Variants in WASF3 observed in about 807,000 individuals in gnomAD.
The protein encoded by WASF3 is WASP family member 3, also known as actin-binding protein WASF3.
Under a neutral mutation model 46.6 loss-of-function variants are expected in WASF3, and 11 were observed. The observed-to-expected ratio is 0.24, with a 90% CI of 0.15 to 0.39. The LOEUF (loss-of-function observed/expected upper bound fraction) is 0.39, where lower values mean the gene tolerates loss of function less well. Among genes scored for constraint, WASF3 ranks in the 10% least tolerant of loss-of-function variants. The probability of loss-of-function intolerance (pLI) is 1.00; values close to 1 mark genes in which losing one functional copy is unlikely to be tolerated. For missense variants in WASF3, 576 were observed against 669.8 expected (o/e 0.86, Z 1.55); for synonymous variants, 242 against 259.7 (o/e 0.93, Z 0.65).
chr13:26,655,214 G>C (rs1280345764), intron 3 of WASF3, among the ~76,000 whole-genome samples: 2 of 151,378 alleles, frequency 1.3e-5, no homozygotes, highest in African/African-American at 2.4e-5. Context: ...TGACTTTTAT[G>C]ACCTTGACAC....
At chr13:26,637,900 G>A (rs1802231172) in intron 2 of WASF3, among the ~76,000 whole-genome samples, 1 of 152,194 alleles carries the variant, frequency 6.6e-6, no homozygotes, top group South Asian at 2.1e-4. Context: ...GTTTGTCTGG[G>A]TCTGAGCAAC....
At chr13:26,572,749 C>T (rs1443541944) in intron 1 of WASF3, among the ~76,000 whole-genome samples, 1 of 152,104 alleles carries the variant, frequency 6.6e-6, no homozygotes, top group Non-Finnish European at 1.5e-5. Flanking sequence ...GATGGGGTTT[C>T]ACCATGTTGG....
chr13:26,613,153 A>C (rs966917431), intron 2 of WASF3, 95 bp downstream of exon 2: 41 of 150,322 alleles, frequency 2.7e-4, no homozygotes, highest in Non-Finnish European at 4.4e-4. Flanking sequence ...AAATATTCTA[A>C]TATTTTTGAA....
At chr13:26,629,234 T>C (rs1217772318) in intron 2 of WASF3, among the ~76,000 whole-genome samples, 1 of 152,208 alleles carries the variant, frequency 6.6e-6, no homozygotes, top group East Asian at 1.9e-4. Context: ...TGGGAAACTT[T>C]CCAGTGGAGG....
intron 2 of WASF3, among the ~76,000 whole-genome samples, chr13:26,629,749 A>G (rs1379788103): frequency 6.6e-6 from 1 of 152,074 alleles, no homozygotes; most frequent in African/African-American, 2.4e-5. Context: ...TGAATGTCCC[A>G]TTTCTATTTT....
chr13:26,683,806 G>A (rs1057060262), intron 9 of WASF3, among the ~76,000 whole-genome samples: 3 of 152,172 alleles, frequency 2.0e-5, no homozygotes, highest in Admixed American at 6.5e-5. Flanking sequence ...AGGTGGAATT[G>A]GGTGGGGAGT....
In WASF3 at chr13:26,646,089, T is replaced by C. The variant is rs114657353; in HGVS notation, c.133+3686T>C. On this transcript the variant is annotated intron_variant, in intron 3 of 9. Transcript: ENST00000335327. ...AATTGATAAGTCACATCAACATGAT[T>C]ATAAAGTAGGAAACAGATATGCAGT... 5.6e-3 allele frequency among the ~76,000 whole-genome samples: 857 copies of C among 152,328 alleles called. 10 individuals are homozygous for C. Among genetic ancestry groups the C allele is most frequent in the African/African-American group, 0.02 (815 of 41,564 alleles).
chr13:26,675,486 ACAC>A (rs1883039249), intron 6 of WASF3, among the ~76,000 whole-genome samples: 1 of 10,072 alleles, frequency 9.9e-5, no homozygotes, highest in African/African-American at 3.0e-4. Context: ...ACACATACAC[ACAC>A]ACACACACAC....
At chr13:26,599,436 C>G (rs1880581744) in intron 1 of WASF3, among the ~76,000 whole-genome samples, 2 of 152,118 alleles carry the variant, frequency 1.3e-5, no homozygotes, top group Admixed American at 1.3e-4. Flanking sequence ...TGCTCTGCAT[C>G]TAGGGACTTC....
intron 1 of WASF3, among the ~76,000 whole-genome samples, chr13:26,601,580 A>G (rs1308240736): frequency 1.3e-5 from 2 of 152,266 alleles, no homozygotes; most frequent in African/African-American, 4.8e-5. Context: ...GCAGAATTCA[A>G]GTTATTAACA....
chr13:26,569,375 T>G (rs1879566537), intron 1 of WASF3, among the ~76,000 whole-genome samples: 2 of 152,212 alleles, frequency 1.3e-5, no homozygotes, highest in South Asian at 4.1e-4. Context: ...TTTAGAAGAT[T>G]GAATTCGAAC....
chr13:26,563,490 A>G (rs1239627470), intron 1 of WASF3, among the ~76,000 whole-genome samples: 1 of 151,980 alleles, frequency 6.6e-6, no homozygotes, highest in Admixed American at 6.6e-5. Context: ...CCCTGTCTCT[A>G]CTAAAAATAC....
In WASF3 at chr13:26,682,757, G is replaced by A. The variant is rs756546825; in HGVS notation, c.1134G>A (p.Thr378=). 1.8e-5 allele frequency: 29 copies of A among 1,612,830 alleles called. No homozygotes were observed. The highest frequency in any genetic ancestry group is 3.3e-4 in the Middle Eastern group (2 of 6,084). The part of the protein sequence containing the change: ...QPPFPASASS[T]HAAPPHPPST... ...CGTTCCCTGCATCAGCCAGCTCCAC[G>A]CACGCAGCTCCTCCTCACCCACCCT... The change falls in exon 9 of 10, where the codon ACG becomes ACA. Residue 378 remains threonine, a synonymous_variant. Coordinates refer to ENST00000335327, the MANE Select transcript of WASF3 (RefSeq NM_006646.6). This position sits in a 1 kb window ranked among gnomAD's most constrained non-coding sequence, Gnocchi z 4.4.
chr13:26,578,957 A>T (rs1342579753), intron 1 of WASF3, among the ~76,000 whole-genome samples: 4 of 133,852 alleles, frequency 3.0e-5, no homozygotes, highest in African/African-American at 1.2e-4. Flanking sequence ...TGATTTTTGG[A>T]GATTAAGCTA....
At position 26,668,797 on chromosome 13, in the gene WASF3, G is replaced by A. The variant is rs145368279; in HGVS notation, c.422+1127G>A. Among the ~76,000 whole-genome samples the A allele has an allele frequency of 7.7e-3, 1,178 of 152,314 alleles. 6 individuals carry two copies. Among genetic ancestry groups the A allele is most frequent in the South Asian group, 0.014 (68 of 4,826 alleles). ...GATGCCACGCCTTTTTATGGAAAAA[G>A]TAGACTTTTCTGGAGGTTTTAGCAC... On this transcript the variant is annotated intron_variant, in intron 5 of 9. Transcript: ENST00000335327.
the WASF3 span, among the ~76,000 whole-genome samples, chr13:26,547,462 C>A: frequency 6.6e-6 from 1 of 151,656 alleles, no homozygotes; most frequent in Admixed American, 6.6e-5. Flanking sequence ...GGCTATCTAT[C>A]CAGAATTAGT....
At position 26,682,197 on chromosome 13, in the gene WASF3, G is replaced by C. The variant is rs944641219; in HGVS notation, c.984-410G>C. 6.6e-6 allele frequency among the ~76,000 whole-genome samples: 1 copy of C among 152,218 alleles called. No homozygotes were observed. Among genetic ancestry groups the C allele is most frequent in the Non-Finnish European group, 1.5e-5 (1 of 68,036 alleles). On this transcript the variant is annotated intron_variant, in intron 8 of 9. Coordinates refer to ENST00000335327, the MANE Select transcript of WASF3 (RefSeq NM_006646.6). This position sits in a 1 kb window ranked among gnomAD's most constrained non-coding sequence, Gnocchi z 4.4. ...TGCAGGCATGGGGCATTTCCACGGA[G>C]GTGGGTTAGAGAATGTAGAAAGCTC...
intron 1 of WASF3, among the ~76,000 whole-genome samples, chr13:26,600,119 TA>T (rs1880601732): frequency 6.6e-6 from 1 of 152,216 alleles, no homozygotes; most frequent in Non-Finnish European, 1.5e-5. Flanking sequence ...AGGATTACTG[TA>T]GGAAAGATTT....
Position 26,594,378 on chromosome 13 carries a change from G to A in WASF3, c.-108-18583G>A, listed in dbSNP as rs1017701192. ...ATCAAAACCTGCTCTTTGCTGTTCT[G>A]TTCCCTTTTGAGATAAATGAAGGTA... On this transcript the variant is annotated intron_variant, in intron 1 of 9. Coordinates refer to ENST00000335327, the MANE Select transcript of WASF3 (RefSeq NM_006646.6). Among the ~76,000 whole-genome samples the A allele has an allele frequency of 7.4e-4, 113 of 152,286 alleles. 1 individual carries two copies. The highest frequency in any genetic ancestry group is 8.8e-5 in the Non-Finnish European group (6 of 68,008).
Sources: allele counts gnomAD v4.1 joint callset (sites outside exome capture counted in the v4.1 genomes callset), GRCh38; gene constraint gnomAD v4.1.1; non-coding constraint Gnocchi (gnomAD v3.1); transcripts MANE v1.5; gene names NCBI Gene and HGNC (gene_info 2026-07-23, HGNC 2026-07-21).